Variants in ANK2 observed in about 807,000 individuals in gnomAD.
ANK2 encodes the protein ankyrin 2, also known as ankyrin-2.
A neutral mutation model predicts 360.5 loss-of-function variants in ANK2; 83 were observed. The ratio of observed to expected loss-of-function variants is 0.23; its 90% CI spans 0.19 to 0.28. The LOEUF is 0.28. ANK2 is among the 10% of genes least tolerant of loss of function. The pLI is 1.00. For missense variants in ANK2, 4,201 were observed against 4,795.7 expected (o/e 0.88, Z 3.66); for synonymous variants, 1,740 against 1,759.5 (o/e 0.99, Z 0.28).
At chr4:113,070,882 C>T (rs2077299184) in intron 1 of ANK2, among the ~76,000 whole-genome samples, 1 of 151,506 alleles carries the variant, frequency 6.6e-6, no homozygotes, top group African/African-American at 2.4e-5. Flanking sequence ...AACAATAAGC[C>T]CCCGAGACAT....
chr4:112,801,854 A>T, the ANK2 span, among the ~76,000 whole-genome samples: 4 of 152,300 alleles, frequency 2.6e-5, no homozygotes, highest in Admixed American at 2.6e-4. Context: ...AAGCAGTTGA[A>T]GAAAGGTGTA....
At chr4:112,927,572 C>T (rs2092720526) in intron 2 of ANK2, among the ~76,000 whole-genome samples, 1 of 152,152 alleles carries the variant, frequency 6.6e-6, no homozygotes, top group South Asian at 2.1e-4. Context: ...GATATCACAA[C>T]ACTAAAAAAC....
At chr4:112,727,361 C>G in the ANK2 span, among the ~76,000 whole-genome samples, 1 of 151,834 alleles carries the variant, frequency 6.6e-6, no homozygotes, top group Non-Finnish European at 1.5e-5. Flanking sequence ...TGGTATACAT[C>G]CAAGTAATTT....
chr4:112,781,737 A>G, the ANK2 span, among the ~76,000 whole-genome samples: 1 of 152,188 alleles, frequency 6.6e-6, no homozygotes, highest in African/African-American at 2.4e-5. Flanking sequence ...AAGTTTACTT[A>G]TAAGTATTTA....
chr4:113,213,748 C>T (rs914871689), intron 4 of ANK2, among the ~76,000 whole-genome samples: 1 of 152,022 alleles, frequency 6.6e-6, no homozygotes, highest in Non-Finnish European at 1.5e-5. Flanking sequence ...TGAAAAGCAT[C>T]CAACTAGGAA....
intron 4 of ANK2, among the ~76,000 whole-genome samples, chr4:113,228,038 T>G (rs1181563090): frequency 6.6e-6 from 1 of 152,214 alleles, no homozygotes; most frequent in Non-Finnish European, 1.5e-5. Context: ...TCCCCTATTC[T>G]GCTGGAAGTT....
intron 2 of ANK2, among the ~76,000 whole-genome samples, chr4:112,982,121 A>G (rs1421935841): frequency 6.6e-6 from 1 of 152,240 alleles, no homozygotes; most frequent in Non-Finnish European, 1.5e-5. Context: ...GTTCTGCGAA[A>G]AATAGATTTT....
chr4:113,303,786 A>C (rs1013353736), intron 23 of ANK2, among the ~76,000 whole-genome samples: 2 of 152,238 alleles, frequency 1.3e-5, no homozygotes, highest in African/African-American at 4.8e-5. Context: ...ATGATTGAAA[A>C]ATTACCACCA....
intron 1 of ANK2, among the ~76,000 whole-genome samples, chr4:113,077,307 G>A (rs537882625): frequency 1.3e-5 from 2 of 152,040 alleles, no homozygotes; most frequent in South Asian, 4.2e-4. Context: ...AAAATTGAGT[G>A]GAAAAACAAC....
At chr4:113,284,813 C>T (rs1050477738) in intron 18 of ANK2, among the ~76,000 whole-genome samples, 5 of 152,090 alleles carry the variant, frequency 3.3e-5, no homozygotes, top group Admixed American at 3.3e-4. Flanking sequence ...ATAACCTTGC[C>T]TTTTGGTTAG....
intron 2 of ANK2, among the ~76,000 whole-genome samples, chr4:113,030,656 T>A (rs978115876): frequency 6.6e-6 from 1 of 152,064 alleles, no homozygotes; most frequent in African/African-American, 2.4e-5. Context: ...TTCACTGCCA[T>A]TGTTTAAAAA....
At chr4:112,909,376 G>A (rs1383785225) in intron 2 of ANK2, among the ~76,000 whole-genome samples, 1 of 152,130 alleles carries the variant, frequency 6.6e-6, no homozygotes, top group Non-Finnish European at 1.5e-5. Flanking sequence ...ATAGAGTTAA[G>A]TTTGTTAATC....
the ANK2 span, among the ~76,000 whole-genome samples, chr4:112,766,880 A>G: frequency 6.6e-6 from 1 of 152,190 alleles, no homozygotes; most frequent in South Asian, 2.1e-4. Flanking sequence ...AGAAGAGGGA[A>G]TGGATGCTGA....
At chr4:112,717,397 G>A in the ANK2 span, among the ~76,000 whole-genome samples, 1 of 151,972 alleles carries the variant, frequency 6.6e-6, no homozygotes, top group Non-Finnish European at 1.5e-5. Flanking sequence ...AACTTCATAA[G>A]GTTATTTTGC....
intron 38 of ANK2, among the ~76,000 whole-genome samples, chr4:113,360,512 T>C: frequency 6.6e-6 from 1 of 152,074 alleles, no homozygotes; most frequent in Admixed American, 6.6e-5. Context: ...GATGGTGGTC[T>C]TCTTGGTGGG....
chr4:113,233,415 G>T (rs948453807), intron 5 of ANK2, among the ~76,000 whole-genome samples: 3 of 151,922 alleles, frequency 2.0e-5, no homozygotes, highest in Non-Finnish European at 2.9e-5. Context: ...GATTACAGGC[G>T]TGAGCCACCG....
chr4:113,145,795 G>T (rs2096806450), intron 1 of ANK2: 2 of 1,260,274 alleles, frequency 1.6e-6, no homozygotes, highest in Admixed American at 2.5e-5. Flanking sequence ...CCACATTAGT[G>T]TACCCCTGGG....
At chr4:112,878,405 C>A (rs185528474) in intron 1 of ANK2, among the ~76,000 whole-genome samples, 176 of 152,266 alleles carry the variant, frequency 1.2e-3, no homozygotes, top group African/African-American at 4.1e-3. Flanking sequence ...CAGCTCACTG[C>A]CACCTCCGCC....
intron 2 of ANK2, among the ~76,000 whole-genome samples, chr4:113,175,526 A>G (rs753897469): frequency 1.3e-5 from 2 of 152,150 alleles, no homozygotes; most frequent in African/African-American, 2.4e-5. Flanking sequence ...TTCTGCATCC[A>G]GATTACATGA....
Sources: gnomAD v4.1 joint callset for allele counts (sites outside exome capture counted in the v4.1 genomes callset) on GRCh38, gnomAD v4.1.1 for gene constraint, MANE v1.5 for transcripts, NCBI Gene and HGNC (gene_info 2026-07-23, HGNC 2026-07-21) for gene names.